Variants in ZSCAN12 observed in about 807,000 individuals in gnomAD.
ZSCAN12 encodes zinc finger and SCAN domain-containing protein 12.
ZSCAN12 carries 18 observed loss-of-function variants against 23.4 expected under a neutral mutation model. The ratio of observed to expected loss-of-function variants is 0.77; its 90% CI spans 0.53 to 1.14. The LOEUF (loss-of-function observed/expected upper bound fraction) is 1.14. ZSCAN12 is among the 50% of genes most tolerant of loss of function. The pLI is 0.00. For synonymous variants in ZSCAN12, 186 were observed against 253.4 expected (o/e 0.73, Z 2.53); for missense variants, 650 against 735.0 (o/e 0.88, Z 1.34).
In ZSCAN12 at chr6:28,390,360, T is replaced by A. The variant is rs1760752524; in HGVS notation, c.*94A>T. 1 of 1,025,620 alleles carries A rather than the reference T, an allele frequency of 9.8e-7. No homozygotes were observed. Among genetic ancestry groups the A allele is most frequent in the Non-Finnish European group, 1.4e-6 (1 of 722,916 alleles). 63.5% of individuals were successfully genotyped at this position (1,025,620 alleles called of 1,614,324 possible). On this transcript the variant is annotated 3_prime_UTR_variant, in exon 4 of 4. Coordinates refer to ENST00000684592, the MANE Select transcript of ZSCAN12 (RefSeq NM_001163391.2). ...TTATTAAATATCTGAGGTTTCCTTA[T>A]AACAATGGTGACTGAAGTTTTGCCC...
intron 1 of ZSCAN12, 27 bp from the exon 2 acceptor site, chr6:28,398,500 A>G: frequency 7.7e-7 from 1 of 1,300,656 alleles, no homozygotes; most frequent in Non-Finnish European, 1.0e-6. Flanking sequence ...CATTATTAAT[A>G]CAAACTCCAC....
rs1760835365 is a variant in ZSCAN12, at chr6:28,391,550, G to GTAGGTTGTT, written c.731_739dup (p.Lys244_Pro246dup). 1 of 1,552,224 alleles carries GTAGGTTGTT rather than the reference G, an allele frequency of 6.4e-7. No homozygotes were observed. Among genetic ancestry groups the GTAGGTTGTT allele is most frequent in the African/African-American group, 1.4e-5 (1 of 73,152 alleles). On this transcript the variant is annotated inframe_insertion, in exon 4 of 4. Coordinates refer to ENST00000684592, the MANE Select transcript of ZSCAN12 (RefSeq NM_001163391.2). The surrounding 1 kb of genome is among the most constrained non-coding windows in gnomAD (Gnocchi z 4.1). ...CAGGCTTACTCCATTTTCATCACAG[G>GTAGGTTGTT]TAGGTTGTTTATCTTCTCTGGAGCA...
rs2113980134 is a variant in ZSCAN12 at position 28,391,061 on chromosome 6, C to A, written c.1229G>T (p.Gly410Val). The A allele has an allele frequency of 6.4e-7, 1 of 1,554,130 alleles. No homozygotes were observed. Among genetic ancestry groups the A allele is most frequent in the African/African-American group, 1.4e-5 (1 of 73,300 alleles). The change falls in exon 4 of 4, where the codon GGC (glycine) becomes GTC (valine). Residue 410 changes from glycine to valine, a missense_variant. Physicochemically the swap from Gly to Val is moderately radical, Grantham distance 109. Coordinates refer to ENST00000684592, the MANE Select transcript of ZSCAN12 (RefSeq NM_001163391.2). This position sits in a 1 kb window ranked among gnomAD's most constrained non-coding sequence, Gnocchi z 4.1. ...ILTQHQGVHT[G>V]AKPYECNECG... ...CTCGTTGCACTCATACGGCTTGGCG[C>A]CGGTATGAACTCCTTGATGCTGAGT...
In ZSCAN12 at chr6:28,388,407, T is replaced by C. The variant is rs769905166; in HGVS notation, c.*2047A>G. Among the ~76,000 whole-genome samples the C allele has an allele frequency of 1.4e-4, 22 of 152,222 alleles. No individual in the cohort carries two copies. The highest frequency in any genetic ancestry group is 7.2e-4 in the Admixed American group (11 of 15,286). On this transcript the variant is annotated 3_prime_UTR_variant, in exon 4 of 4. Coordinates refer to ENST00000684592, the MANE Select transcript of ZSCAN12 (RefSeq NM_001163391.2). ...CTGAATTATAATACTTATACCATTA[T>C]GACTTCTATGGGAATATGTGTTCAT... is the stretch of plus-strand genomic sequence containing the variant.
In ZSCAN12 at chr6:28,391,060, G is replaced by A. The variant is rs1362644058; in HGVS notation, c.1230C>T (p.Gly410=). The A allele has an allele frequency of 1.9e-6, 3 of 1,554,252 alleles. No homozygotes were observed. The highest frequency in any genetic ancestry group is 2.6e-6 in the Non-Finnish European group (3 of 1,148,194). Residue 410 remains glycine, a synonymous_variant, in exon 4 of 4, where the codon GGC becomes GGT. Coordinates refer to ENST00000684592, the MANE Select transcript of ZSCAN12 (RefSeq NM_001163391.2). This position sits in a 1 kb window ranked among gnomAD's most constrained non-coding sequence, Gnocchi z 4.1. ...ILTQHQGVHT[G]AKPYECNECG... is the part of the protein sequence containing the mutation. ...ACTCGTTGCACTCATACGGCTTGGCGCCGGTATGAACTCCTTGATGCTGAG... is the reference window on the plus strand; with the variant it reads ...ACTCGTTGCACTCATACGGCTTGGCACCGGTATGAACTCCTTGATGCTGAG...
In ZSCAN12 at chr6:28,390,707, T is replaced by C. The variant is rs764516103; in HGVS notation, c.1583A>G (p.Asp528Gly). ...TCCTCGGAAGGCATTCCCACACTCATCACACTTGTAGGGCCTCTCTCCAGT... is the reference window on the plus strand; with the variant it reads ...TCCTCGGAAGGCATTCCCACACTCACCACACTTGTAGGGCCTCTCTCCAGT... ...IHTGERPYKC[D>G]ECGNAFRGIT... is the part of the protein sequence containing the mutation. The change falls in exon 4 of 4, where the codon GAT (aspartate) becomes GGT (glycine). Residue 528 changes from aspartate to glycine, a missense_variant. By Grantham distance (94) the Asp-to-Gly change is moderately conservative. Transcript: ENST00000684592. The C allele has an allele frequency of 1.8e-5, 29 of 1,612,564 alleles. No individual in the cohort carries two copies. Among genetic ancestry groups the C allele is most frequent in the Non-Finnish European group, 2.4e-5 (28 of 1,179,330 alleles).
At chr6:28,383,385 C>A (rs568982872), downstream of ZSCAN12, among the ~76,000 whole-genome samples, 3 of 152,292 alleles carry the variant, frequency 2.0e-5, no homozygotes, top group Admixed American at 2.0e-4. Context: ...TCCAAAGGTC[C>A]GTCACAAAGG....
intron 2 of ZSCAN12, among the ~76,000 whole-genome samples, chr6:28,397,104 T>G (rs1761148886): frequency 6.6e-6 from 1 of 152,126 alleles, no homozygotes; most frequent in Non-Finnish European, 1.5e-5. Context: ...GGGGCTGTCC[T>G]GTGTGTTTTA....
chr6:28,397,054 T>C (rs1763901540), intron 2 of ZSCAN12, among the ~76,000 whole-genome samples: 1 of 152,174 alleles, frequency 6.6e-6, no homozygotes, highest in Non-Finnish European at 1.5e-5. Flanking sequence ...TTGGCTCTAC[T>C]GACATGTTCC....
downstream of ZSCAN12, among the ~76,000 whole-genome samples, chr6:28,384,064 T>A (rs1225523534): frequency 6.6e-6 from 1 of 152,154 alleles, no homozygotes; most frequent in Non-Finnish European, 1.5e-5. Context: ...AGAGGTTAAA[T>A]CCCTTGCCCA....
Position 28,387,154 on chromosome 6 carries a change from T to G in ZSCAN12, c.*3300A>C, listed in dbSNP as rs1326581913. Among the ~76,000 whole-genome samples, 2 of 152,198 alleles carry G rather than the reference T, an allele frequency of 1.3e-5. No individual in the cohort carries two copies. Among genetic ancestry groups the G allele is most frequent in the African/African-American group, 2.4e-5 (1 of 41,448 alleles). The stretch of plus-strand genomic sequence containing the variant: ...CATTTATTTTTAAACAAGTATGAAC[T>G]GTACCCTCCTATAATAGGCATATTC... On this transcript the variant is annotated 3_prime_UTR_variant, in exon 4 of 4. Coordinates refer to ENST00000684592, the MANE Select transcript of ZSCAN12 (RefSeq NM_001163391.2).
rs1760849187 is a variant in ZSCAN12, at chr6:28,391,708, A to G, written c.582T>C (p.Asn194=). Residue 194 remains asparagine, a synonymous_variant, in exon 4 of 4, where the codon AAT becomes AAC. Coordinates refer to ENST00000684592, the MANE Select transcript of ZSCAN12 (RefSeq NM_001163391.2). The surrounding 1 kb of genome is among the most constrained non-coding windows in gnomAD (Gnocchi z 4.1). ...TTTCTTCAGAAACTTCTTGCTTTAA[A>G]TTCCCATACTCATTTCCAGTCTCAA... ...LDVETGNEYG[N]LKQEVSEEME... 6.5e-7 allele frequency: 1 copy of G among 1,543,364 alleles called. No individual in the cohort carries two copies. The highest frequency in any genetic ancestry group is 1.4e-5 in the African/African-American group (1 of 72,720).
chr6:28,397,983 A>G, intron 2 of ZSCAN12, 21 bp downstream of exon 2: 1 of 1,537,334 alleles, frequency 6.5e-7, no homozygotes, highest in Non-Finnish European at 8.7e-7. Context: ...TCTCAAGCAG[A>G]AGTCACATCT....
chr6:28,399,695 G>C lies in ZSCAN12; in HGVS notation c.-107C>G, dbSNP rs1490571358. The stretch of plus-strand genomic sequence containing the variant: ...GGCCAGAAGAGAACTCCCTCCTACG[G>C]AGCGAAGGCAAGAGGCCTCGAACCC... On this transcript the variant is annotated 5_prime_UTR_variant, in exon 1 of 4. Coordinates refer to ENST00000684592, the MANE Select transcript of ZSCAN12 (RefSeq NM_001163391.2). 6.6e-6 allele frequency: 1 copy of C among 152,486 alleles called. No homozygotes were observed. Among genetic ancestry groups the C allele is most frequent in the African/African-American group, 2.4e-5 (1 of 41,462 alleles). 9.4% of individuals were successfully genotyped at this position (152,486 alleles called of 1,614,324 possible).
chr6:28,382,362 CT>C (rs1466535323), downstream of ZSCAN12: 13 of 1,375,716 alleles, frequency 9.4e-6, no homozygotes, highest in Non-Finnish European at 9.5e-6. Context: ...CTTCTGACAG[CT>C]CTGTAAAGTC....
In ZSCAN12 at chr6:28,390,870, A is replaced by G. The variant is rs1218463920; in HGVS notation, c.1420T>C (p.Cys474Arg). ...GTCCTTTGAATAAAGGCTTTTTCAC[A>G]TACGTCACATTTGTAGGGTTTTTCC... ...TGEKPYKCDV[C>R]EKAFIQRTSL... Residue 474 changes from cysteine (C) to arginine (R), a missense_variant, in exon 4 of 4, where the codon TGT becomes CGT. By Grantham distance (180) the Cys-to-Arg change is radical. Coordinates refer to ENST00000684592, the MANE Select transcript of ZSCAN12 (RefSeq NM_001163391.2). 1.9e-6 allele frequency: 3 copies of G among 1,576,350 alleles called. No homozygotes were observed. The highest frequency in any genetic ancestry group is 2.3e-5 in the East Asian group (1 of 43,082).
At chr6:28,379,300 T>C (rs1027036662) in exon 5 of ZSCAN12, 2 of 152,142 alleles carry the variant, frequency 1.3e-5, no homozygotes, top group African/African-American at 4.8e-5. Context: ...ATGAAGTATA[T>C]TTTTCTATCT....
chr6:28,398,761 C>CAAAAAAA (rs775480746), intron 1 of ZSCAN12, among the ~76,000 whole-genome samples: 4 of 72,784 alleles, frequency 5.5e-5, no homozygotes, highest in Admixed American at 1.6e-4. Context: ...ACTAAAAATA[C>CAAAAAAA]AAAAAAAAAA....
At chr6:28,381,507 T>A (rs868392919), downstream of ZSCAN12, 1 of 152,116 alleles carries the variant, frequency 6.6e-6, no homozygotes, top group Non-Finnish European at 1.5e-5. Context: ...AGGAGTTAAG[T>A]GGGTCAAAAA....
Sources: gnomAD v4.1 joint callset for allele counts (sites outside exome capture counted in the v4.1 genomes callset) on GRCh38, gnomAD v4.1.1 for gene constraint, Gnocchi (gnomAD v3.1) non-coding constraint, MANE v1.5 for transcripts, NCBI Gene and HGNC (gene_info 2026-07-23, HGNC 2026-07-21) for gene names.